ZNF219: variants seen among roughly 807,000 people sequenced by gnomAD.
The protein encoded by ZNF219 is zinc finger protein 219.
ZNF219 carries 17 observed loss-of-function variants against 54.4 expected under a neutral mutation model. That is an observed-to-expected ratio of 0.31 (90% CI 0.21 to 0.47). The LOEUF is 0.47. ZNF219 is among the 20% of genes least tolerant of loss of function. The probability of loss-of-function intolerance (pLI) is 1.00; values close to 1 mark genes in which losing one functional copy is unlikely to be tolerated. For missense variants in ZNF219, 1,014 were observed against 1,062.3 expected, an observed-to-expected ratio of 0.95 and a Z score of 0.63; for synonymous variants, 518 against 476.4, an observed-to-expected ratio of 1.09 and a Z score of -1.14.
At position 21,092,631 on chromosome 14, in the gene ZNF219, G is replaced by A. The variant is rs1467418355; in HGVS notation, c.666C>T (p.Thr222=). The change falls in exon 3 of 5, where the codon ACC becomes ACT. Residue 222 remains threonine, a synonymous_variant. Coordinates refer to ENST00000360947, the MANE Select transcript of ZNF219 (RefSeq NM_016423.3). ...GAGGCTGAGGCGGAGGCGCAGCGGA[G>A]GTGGCCGCCAGGGGACGCTCGGGAG... ...HGAPERPLAA[T]SAAPPPQPQP... 1.3e-6 allele frequency: 2 copies of A among 1,559,014 alleles called. No individual in the cohort carries two copies. The highest frequency in any genetic ancestry group is 1.7e-6 in the Non-Finnish European group (2 of 1,154,300).
Position 21,093,066 on chromosome 14 carries a change from C to G in ZNF219, c.231G>C (p.Arg77=). Residue 77 remains arginine (R), a synonymous_variant, in exon 3 of 5, where the codon CGG becomes CGC. Transcript: ENST00000360947. ...RFNSILALHL[R]AHPGAQAFQC... The stretch of plus-strand genomic sequence containing the variant: ...GGAAGGCCTGGGCTCCTGGGTGCGC[C>G]CGCAGGTGCAAAGCAAGGATAGAGT... 1 of 1,601,658 alleles carries G rather than the reference C, an allele frequency of 6.2e-7. No homozygotes were observed. The highest frequency in any genetic ancestry group is 8.5e-7 in the Non-Finnish European group (1 of 1,175,700).
chr14:21,099,142 G>T, upstream of ZNF219: 1 of 208,084 alleles, frequency 4.8e-6, no homozygotes. Context: ...GCGCTGTGAG[G>T]GATGAGAAAG....
upstream of ZNF219, chr14:21,102,350 T>C (rs1889693445): frequency 2.0e-6 from 3 of 1,533,840 alleles, no homozygotes; most frequent in Admixed American, 2.0e-5. Flanking sequence ...CAAGTGGGGA[T>C]TGAGGTTGGA....
chr14:21,101,717 T>G (rs1889643698), upstream of ZNF219: 10 of 692,064 alleles, frequency 1.4e-5, no homozygotes, highest in South Asian at 1.7e-4. Context: ...TGATACTTAA[T>G]TTTTAATGAT....
intron 1 of ZNF219, among the ~76,000 whole-genome samples, chr14:21,096,636 GCCCT>G: frequency 6.6e-6 from 1 of 152,184 alleles, no homozygotes; most frequent in Non-Finnish European, 1.5e-5. Flanking sequence ...GGGTTATCTT[GCCCT>G]TATTTGGATT....
rs376640373 is a variant in ZNF219 at position 21,091,870 on chromosome 14, G to C, written c.1427C>G (p.Thr476Arg). 1 of 1,548,316 alleles carries C rather than the reference G, an allele frequency of 6.5e-7. No homozygotes were observed. Reference protein sequence around the residue: ...AAGAQARSTATQEENGLLVGG... With the variant: ...AAGAQARSTARQEENGLLVGG... ...AGCGGAGGGTACCTACATACCCTGC[G>C]TGGCGGTCGATCTTGCCTGGGCCCC... is the stretch of plus-strand genomic sequence containing the variant. The change falls in exon 3 of 5, where the codon ACG becomes AGG. Residue 476 changes from threonine (T) to arginine (R), a missense_variant. Transcript: ENST00000360947.
upstream of ZNF219, chr14:21,103,429 T>G (rs1889777287): frequency 9.1e-7 from 1 of 1,102,738 alleles, no homozygotes; most frequent in Non-Finnish European, 1.3e-6. Flanking sequence ...GAATATATCC[T>G]CACCTCACCA....
rs938862837 is a variant in ZNF219 at position 21,098,621 on chromosome 14, G to A, written c.-393C>T. On this transcript the variant is annotated 5_prime_UTR_variant, in exon 1 of 5. Transcript: ENST00000360947. ...GGGGACCCCGGGAGCCGCGAGAGGC[G>A]GCCGCCAGGGGCGGGGTGCGGGCGG... 59 of 1,016,876 alleles carry A rather than the reference G, an allele frequency of 5.8e-5. No homozygotes were observed. In the African/African-American group the frequency reaches 9.6e-4, roughly 17 times the overall value. 63.0% of individuals were successfully genotyped at this position (1,016,876 alleles called of 1,614,324 possible). A position where few individuals can be genotyped will look rare whatever the true frequency, so the allele number is the denominator to read the frequency against.
chr14:21,101,998 G>A (rs79713019), upstream of ZNF219: 9,316 of 1,550,938 alleles, frequency 6.0e-3, 419 homozygotes, highest in Admixed American at 0.087. Flanking sequence ...ACAAGGGAGG[G>A]TGGAAGGTCC....
intron 3 of ZNF219, 32 bp downstream of exon 3, chr14:21,091,833 G>C (rs755852480): frequency 6.7e-7 from 1 of 1,492,024 alleles, no homozygotes; most frequent in East Asian, 2.4e-5. Context: ...GGAGGACGCG[G>C]CGTACCCGGA....
chr14:21,092,120 C>G lies in ZNF219; in HGVS notation c.1177G>C (p.Gly393Arg). The G allele has an allele frequency of 6.6e-7, 1 of 1,521,088 alleles. No homozygotes were observed. Among genetic ancestry groups the G allele is most frequent in the Non-Finnish European group, 8.8e-7 (1 of 1,136,524 alleles). 94.2% of individuals were successfully genotyped at this position (1,521,088 alleles called of 1,614,324 possible). ...CCGGGACCGGGCTCAGCACCCTCGC[C>G]GTTGGGCCGGCCCTCGCCAGCTCGC... The part of the protein sequence containing the change: ...SLRAGEGRPN[G>R]EGAEPGPGRS... The change falls in exon 3 of 5, where the codon GGC becomes CGC. Residue 393 changes from glycine (G) to arginine (R), a missense_variant. Physicochemically the swap from Gly to Arg is moderately radical, Grantham distance 125. Coordinates refer to ENST00000360947, the MANE Select transcript of ZNF219 (RefSeq NM_016423.3).
upstream of ZNF219, chr14:21,102,591 C>G: frequency 6.4e-7 from 1 of 1,551,004 alleles, no homozygotes; most frequent in Non-Finnish European, 8.7e-7. Flanking sequence ...CAGGGGCAAA[C>G]AGGTGCGGGG....
rs1888741842 is a variant in ZNF219 at position 21,090,482 on chromosome 14, G to A, written c.*54C>T. On this transcript the variant is annotated 3_prime_UTR_variant, in exon 5 of 5. Transcript: ENST00000360947. The surrounding 1 kb of genome is among the most constrained non-coding windows in gnomAD (Gnocchi z 4.4). ...GCTTCTCTACCCAACTACCTCTAGC[G>A]CTCCCCCGCTCCGGCGGGGTAAGCT... The A allele has an allele frequency of 2.0e-6, 3 of 1,529,132 alleles. No homozygotes were observed. The highest frequency in any genetic ancestry group is 2.6e-6 in the Non-Finnish European group (3 of 1,135,024). The allele number at this position is 1,529,132 out of a possible 1,614,324, so 94.7% of individuals were successfully genotyped here.
Position 21,092,648 on chromosome 14 carries a change from G to A in ZNF219, c.649C>T (p.Arg217Cys). ...HSLTAHGAPE[R>C]PLAATSAAPP... ...GCAGCGGAGGTGGCCGCCAGGGGAC[G>A]CTCGGGAGCCCCGTGGGCCGTCAGG... The change falls in exon 3 of 5, where the codon CGT becomes TGT. Residue 217 changes from arginine to cysteine, a missense_variant. Transcript: ENST00000360947. 1 of 1,565,198 alleles carries A rather than the reference G, an allele frequency of 6.4e-7. No homozygotes were observed. The highest frequency in any genetic ancestry group is 2.3e-5 in the East Asian group (1 of 43,204).
At chr14:21,094,542 G>C (rs1407920726) in intron 1 of ZNF219, 2 of 393,206 alleles carry the variant, frequency 5.1e-6, no homozygotes, top group African/African-American at 4.2e-5. Context: ...CACTGGCTCT[G>C]AGCTCAAGAG....
In ZNF219 at chr14:21,093,065, C is replaced by T. The variant is rs1161853144; in HGVS notation, c.232G>A (p.Ala78Thr). Residue 78 changes from alanine (A) to threonine (T), a missense_variant, in exon 3 of 5, where the codon GCG becomes ACG. Around this residue, in one of 5 missense-constraint regions of ZNF219, gnomAD observed 395 missense variants for 415.1 expected, o/e 0.95. Coordinates refer to ENST00000360947, the MANE Select transcript of ZNF219 (RefSeq NM_016423.3). The part of the protein sequence containing the change: ...FNSILALHLR[A>T]HPGAQAFQCP... ...TGGAAGGCCTGGGCTCCTGGGTGCG[C>T]CCGCAGGTGCAAAGCAAGGATAGAG... 6.2e-6 allele frequency: 10 copies of T among 1,601,184 alleles called. No individual in the cohort carries two copies. Among genetic ancestry groups the T allele is most frequent in the Non-Finnish European group, 8.5e-6 (10 of 1,175,520 alleles).
intron 1 of ZNF219, among the ~76,000 whole-genome samples, chr14:21,097,952 G>A (rs1171364840): frequency 6.6e-6 from 1 of 150,976 alleles, no homozygotes; most frequent in Non-Finnish European, 1.5e-5. Context: ...TCACCCCCAG[G>A]TCCCTCGCGC....
intron 3 of ZNF219, 88 bp from the exon 4 acceptor site, chr14:21,091,630 G>A: frequency 6.6e-7 from 1 of 1,508,736 alleles, no homozygotes. Context: ...CCATAGGGCT[G>A]CTTCCCCTCG....
upstream of ZNF219, among the ~76,000 whole-genome samples, chr14:21,100,301 G>C (rs1486466431): frequency 6.6e-6 from 1 of 152,094 alleles, no homozygotes; most frequent in African/African-American, 2.4e-5. Context: ...AGAAGGTGTT[G>C]GCTACAGTGA....
Sources: allele counts gnomAD v4.1 joint callset (sites outside exome capture counted in the v4.1 genomes callset), GRCh38; gene constraint gnomAD v4.1.1; regional missense constraint gnomAD v4.1.1; non-coding constraint Gnocchi (gnomAD v3.1); transcripts MANE v1.5; gene names NCBI Gene and HGNC (gene_info 2026-07-23, HGNC 2026-07-21).